The following AP1B1 variants were observed in gnomAD, a reference collection of about 807,000 sequenced individuals.
AP1B1 encodes AP-1 complex subunit beta-1.
Under a neutral mutation model 104.3 loss-of-function variants are expected in AP1B1, and 36 were observed. The observed-to-expected ratio is 0.35, with a 90% confidence interval of 0.26 to 0.46. The LOEUF (loss-of-function observed/expected upper bound fraction) is 0.46. AP1B1 is among the 20% of genes least tolerant of loss of function. The pLI is 1.00. For synonymous variants in AP1B1, 504 were observed against 517.5 expected (o/e 0.97, Z 0.35); for missense variants, 901 against 1,247.9 (o/e 0.72, Z 4.19).
intron 16 of AP1B1, among the ~76,000 whole-genome samples, chr22:29,334,910 C>G (rs910911067): frequency 2.0e-5 from 3 of 152,232 alleles, no homozygotes; most frequent in Non-Finnish European, 4.4e-5. Flanking sequence ...CTGGTCTGAC[C>G]AAGGACAGTA....
intron 5 of AP1B1, among the ~76,000 whole-genome samples, chr22:29,358,319 T>C (rs2061991376): frequency 6.6e-6 from 1 of 152,124 alleles, no homozygotes. Context: ...GCACCACACA[T>C]GCAGCATATT....
intron 3 of AP1B1, among the ~76,000 whole-genome samples, chr22:29,361,858 G>C (rs1180095649): frequency 6.6e-6 from 1 of 151,794 alleles, no homozygotes; most frequent in African/African-American, 2.4e-5. Flanking sequence ...GCAGTGGCGT[G>C]ATCTTGGCTC....
chr22:29,380,227 G>A (rs1415597109), intron 1 of AP1B1, among the ~76,000 whole-genome samples: 18 of 152,064 alleles, frequency 1.2e-4, no homozygotes, highest in Admixed American at 7.9e-4. Context: ...GCCCTCCTAC[G>A]CCACTGTCTG....
intron 5 of AP1B1, among the ~76,000 whole-genome samples, chr22:29,356,960 G>T (rs534506183): frequency 6.6e-6 from 1 of 152,316 alleles, no homozygotes; most frequent in South Asian, 2.1e-4. Context: ...CAGAGCTAGG[G>T]GATTCCTGCA....
chr22:29,358,788 G>T lies in AP1B1; in HGVS notation c.463C>A (p.Leu155Met). The stretch of plus-strand genomic sequence containing the variant: ...TCCAGGAAGCCCTGGTCCTCCACCA[G>T]CTGGGCGTTGATGTCGTGGAGCTTG... ...VAKLHDINAQ[L>M]VEDQGFLDTL... is the part of the protein sequence containing the mutation. Residue 155 changes from leucine to methionine, a missense_variant, in exon 5 of 23, where the codon CTG becomes ATG. Coordinates refer to ENST00000357586, the MANE Select transcript of AP1B1 (RefSeq NM_001127.4). The T allele has an allele frequency of 6.2e-7, 1 of 1,614,238 alleles. No individual in the cohort carries two copies. Among genetic ancestry groups the T allele is most frequent in the South Asian group, 1.1e-5 (1 of 91,086 alleles).
At chr22:29,382,427 G>A (rs1417438356) in intron 1 of AP1B1, among the ~76,000 whole-genome samples, 3 of 152,146 alleles carry the variant, frequency 2.0e-5, no homozygotes, top group Non-Finnish European at 2.9e-5. Context: ...AGCATCTTTC[G>A]TGTACCAGAA....
In AP1B1 at chr22:29,331,463, T is replaced by C; in HGVS notation, c.2510A>G (p.Glu837Gly). ...TLYPLHILFV[E>G]DGKMDRQMFL... ...TCATGACTCACCCATCTTCCCGTCC[T>C]CCACAAAGAGGATGTGCAGTGGGTA... The change falls in exon 19 of 23, where the codon GAG becomes GGG. Residue 837 changes from glutamate to glycine, a missense_variant. By Grantham distance (98) the Glu-to-Gly change is moderately conservative. Transcript: ENST00000357586. The C allele has an allele frequency of 3.7e-6, 6 of 1,614,134 alleles. No homozygotes were observed. The highest frequency in any genetic ancestry group is 5.1e-6 in the Non-Finnish European group (6 of 1,180,008).
intron 17 of AP1B1, 103 bp from the exon 18 acceptor site, chr22:29,332,019 G>A (rs1388008175): frequency 2.7e-5 from 33 of 1,233,236 alleles, no homozygotes; most frequent in Non-Finnish European, 3.6e-5. Context: ...TTGGCAGGGA[G>A]CCTCTCACCG....
chr22:29,350,182 C>A (rs773132155), intron 9 of AP1B1, 32 bp from the exon 10 acceptor site: 1 of 1,564,860 alleles, frequency 6.4e-7, no homozygotes, highest in Non-Finnish European at 8.8e-7. Context: ...TGGGCGAGGT[C>A]CCCGCACCCC....
Position 29,339,148 on chromosome 22 carries a change from A to T in AP1B1, c.2020-15T>A, listed in dbSNP as rs1215827947. 3 of 1,613,918 alleles carry T rather than the reference A, an allele frequency of 1.9e-6. No individual in the cohort carries two copies. Among genetic ancestry groups the T allele is most frequent in the Non-Finnish European group, 2.5e-6 (3 of 1,179,912 alleles). On this transcript the variant is annotated splice_polypyrimidine_tract_variant and intron_variant, in intron 15 of 22. Coordinates refer to ENST00000357586, the MANE Select transcript of AP1B1 (RefSeq NM_001127.4). ...GTGCCCCCAATCTGGAAAGGGAGGG[A>T]AAGAGTCAGAGGTGGGCGTCAAGAG...
In AP1B1 at chr22:29,351,188, A is replaced by G. The variant is rs1354993726; in HGVS notation, c.1138T>C (p.Cys380Arg). ...VRKAVRAIGR[C>R]AIKVEQSAER... ...AGCCTCACCTCCACCTTGATGGCGC[A>G]GCGGCCAATAGCACGCACAGCCTTC... The change falls in exon 9 of 23, where the codon TGC becomes CGC. Residue 380 changes from cysteine (C) to arginine (R), a missense_variant. Physicochemically the swap from Cys to Arg is radical, Grantham distance 180 (BLOSUM62 -3). Around this residue, in one of 3 missense-constraint regions of AP1B1, gnomAD observed 471 missense variants for 696.7 expected, o/e 0.68. Coordinates refer to ENST00000357586, the MANE Select transcript of AP1B1 (RefSeq NM_001127.4). 6.2e-7 allele frequency: 1 copy of G among 1,612,676 alleles called. No individual in the cohort carries two copies. The highest frequency in any genetic ancestry group is 8.5e-7 in the Non-Finnish European group (1 of 1,178,840).
At chr22:29,363,314 G>A (rs773765136) in intron 2 of AP1B1, among the ~76,000 whole-genome samples, 20 of 152,178 alleles carry the variant, frequency 1.3e-4, no homozygotes, top group Non-Finnish European at 2.6e-4. Flanking sequence ...GAAACTTGTA[G>A]GCCGGGTGCA....
At chr22:29,343,684 T>C (rs530454886) in intron 11 of AP1B1, among the ~76,000 whole-genome samples, 99 of 152,358 alleles carry the variant, frequency 6.5e-4, no homozygotes, top group African/African-American at 2.2e-3. Flanking sequence ...TCACACCTTA[T>C]GTGAACTCCA....
chr22:29,365,588 G>C (rs2148017580), intron 2 of AP1B1, among the ~76,000 whole-genome samples: 1 of 152,266 alleles, frequency 6.6e-6, no homozygotes, highest in South Asian at 2.1e-4. Flanking sequence ...ACTGATCCCT[G>C]CGTACCTCTC....
chr22:29,387,826 T>C (rs1372057476), intron 1 of AP1B1, among the ~76,000 whole-genome samples: 1 of 152,166 alleles, frequency 6.6e-6, no homozygotes, highest in Non-Finnish European at 1.5e-5. Context: ...AAATGTGTCA[T>C]TGTAAGGAAA....
intron 22 of AP1B1, chr22:29,329,488 A>C: frequency 7.2e-6 from 10 of 1,397,456 alleles, no homozygotes; most frequent in Non-Finnish European, 9.3e-6. Flanking sequence ...GCAGGTCAGC[A>C]GCAGCCCACG....
rs531121328 is a variant in AP1B1, at chr22:29,385,990, G to T, written c.-28+2434C>A. Among the ~76,000 whole-genome samples, 4 of 152,310 alleles carry T rather than the reference G, an allele frequency of 2.6e-5. No individual in the cohort carries two copies. In the South Asian group the frequency reaches 8.3e-4, roughly 32 times the overall value. ...CTACTTTTAGGAAGTGAAACAAGAA[G>T]GGTGGAAAAAGTCCTGCGTACATTA... On this transcript the variant is annotated intron_variant, in intron 1 of 22. Coordinates refer to ENST00000357586, the MANE Select transcript of AP1B1 (RefSeq NM_001127.4).
At chr22:29,359,384 G>C (rs902351069) in intron 4 of AP1B1, among the ~76,000 whole-genome samples, 1 of 152,190 alleles carries the variant, frequency 6.6e-6, no homozygotes, top group Admixed American at 6.5e-5. Flanking sequence ...GGGGAGCTAA[G>C]GTTCTAAAGG....
At chr22:29,386,271 G>T (rs1257456836) in intron 1 of AP1B1, among the ~76,000 whole-genome samples, 1 of 152,220 alleles carries the variant, frequency 6.6e-6, no homozygotes, top group Non-Finnish European at 1.5e-5. Context: ...ACACTGCCAG[G>T]AAGCTGCTGA....
Sources: gnomAD v4.1 joint callset for allele counts (sites outside exome capture counted in the v4.1 genomes callset) on GRCh38, gnomAD v4.1.1 for gene constraint, gnomAD v4.1.1 regional missense constraint, MANE v1.5 for transcripts, NCBI Gene and HGNC (gene_info 2026-07-23, HGNC 2026-07-21) for gene names.